Variants in LTBP1 observed in about 807,000 individuals in gnomAD.
LTBP1 encodes the protein latent transforming growth factor beta binding protein 1.
LTBP1 carries 129 observed loss-of-function variants against 207.6 expected under a neutral mutation model. The ratio of observed to expected loss-of-function variants is 0.62; its 90% confidence interval spans 0.54 to 0.72. The LOEUF is 0.72. Ranked by LOEUF, LTBP1 falls within the 30% of genes least tolerant of loss-of-function variation. The pLI is 0.00. For missense variants in LTBP1, 2,281 were observed against 2,217.2 expected (o/e 1.03, Z -0.58); for synonymous variants, 963 against 833.7 (o/e 1.16, Z -2.67).
At chr2:33,238,603 C>CA (rs920140780) in intron 9 of LTBP1, among the ~76,000 whole-genome samples, 1 of 152,202 alleles carries the variant, frequency 6.6e-6, no homozygotes, top group Non-Finnish European at 1.5e-5. Flanking sequence ...AAGAGAAACT[C>CA]AGAGACTTGC....
At chr2:33,018,691 A>G (rs545672354) in intron 2 of LTBP1, among the ~76,000 whole-genome samples, 6 of 152,218 alleles carry the variant, frequency 3.9e-5, no homozygotes, top group Non-Finnish European at 8.8e-5. Context: ...TTCTAGAAAC[A>G]CAGAGCTTTT....
chr2:33,037,707 G>C (rs1380820046), intron 3 of LTBP1, among the ~76,000 whole-genome samples: 1 of 152,110 alleles, frequency 6.6e-6, no homozygotes, highest in African/African-American at 2.4e-5. Context: ...AATTCCTGAA[G>C]ATATAGTTTT....
intron 2 of LTBP1, among the ~76,000 whole-genome samples, chr2:33,019,878 T>C (rs963982447): frequency 1.3e-5 from 2 of 150,234 alleles, no homozygotes; most frequent in Non-Finnish European, 3.0e-5. Context: ...AATTAAATTT[T>C]TTTTTTTTTT....
chr2:33,365,403 C>A lies in LTBP1; in HGVS notation c.4611C>A (p.Ser1537Arg), dbSNP rs745337069. The part of the protein sequence containing the change: ...WEHLSDEYVC[S>R]RPLVGKQTTY... ...ATCTGAGTGATGAATACGTGTGTAG[C>A]CGGCCTCTTGTGGGCAAGCAGACAA... The change falls in exon 31 of 34, where the codon AGC becomes AGA. Residue 1537 changes from serine (S) to arginine (R), a missense_variant. Around this residue, in one of 3 missense-constraint regions of LTBP1, gnomAD observed 1,671 missense variants for 1,634.8 expected, o/e 1.02. Coordinates refer to ENST00000404816, the MANE Select transcript of LTBP1 (RefSeq NM_206943.4). The A allele has an allele frequency of 3.7e-6, 6 of 1,614,180 alleles. No homozygotes were observed. In the African/African-American group the frequency reaches 5.3e-5, roughly 14 times the overall value.
chr2:32,980,345 A>G (rs1682577549), intron 2 of LTBP1, among the ~76,000 whole-genome samples: 1 of 152,126 alleles, frequency 6.6e-6, no homozygotes, highest in African/African-American at 2.4e-5. Context: ...TGAGGTAACT[A>G]TGAGGCTTGC....
intron 31 of LTBP1, among the ~76,000 whole-genome samples, chr2:33,388,824 TTGA>T (rs1042539380): frequency 2.0e-5 from 3 of 152,176 alleles, no homozygotes; most frequent in Non-Finnish European, 2.9e-5. Context: ...AAAAATGTTT[TTGA>T]TGATAACTCT....
intron 15 of LTBP1, among the ~76,000 whole-genome samples, chr2:33,267,439 T>C (rs76014413): frequency 6.6e-6 from 1 of 152,064 alleles, no homozygotes; most frequent in Non-Finnish European, 1.5e-5. Context: ...ATGATGGTGA[T>C]TTTTTTTAAT....
At chr2:33,183,510 T>C (rs1300386157) in intron 5 of LTBP1, among the ~76,000 whole-genome samples, 1 of 152,244 alleles carries the variant, frequency 6.6e-6, no homozygotes, top group African/African-American at 2.4e-5. Context: ...AAGTTTGTAT[T>C]TGATGCAGTT....
chr2:33,360,302 GAT>G (rs1474323386), intron 26 of LTBP1, among the ~76,000 whole-genome samples: 1 of 152,168 alleles, frequency 6.6e-6, no homozygotes, highest in Non-Finnish European at 1.5e-5. Flanking sequence ...AAGAAAAGGA[GAT>G]ATGGAAACTC....
intron 2 of LTBP1, among the ~76,000 whole-genome samples, chr2:32,967,158 T>G (rs1382122337): frequency 6.6e-6 from 1 of 152,176 alleles, no homozygotes. Flanking sequence ...ATAGGATCTA[T>G]AATGATGTTC....
At chr2:33,264,432 CAT>C (rs1382303112) in intron 15 of LTBP1, among the ~76,000 whole-genome samples, 3 of 151,980 alleles carry the variant, frequency 2.0e-5, no homozygotes, top group African/African-American at 7.2e-5. Flanking sequence ...GTATAATAAA[CAT>C]ATTATTTTAA....
intron 5 of LTBP1, among the ~76,000 whole-genome samples, chr2:33,170,072 G>C (rs1349629272): frequency 1.3e-5 from 2 of 152,240 alleles, no homozygotes; most frequent in Non-Finnish European, 2.9e-5. Flanking sequence ...CCCAGCGTGA[G>C]TGATGCAGAA....
intron 3 of LTBP1, among the ~76,000 whole-genome samples, chr2:33,089,212 CAA>C: frequency 6.7e-6 from 1 of 148,566 alleles, no homozygotes; most frequent in East Asian, 2.0e-4. Flanking sequence ...AAATGTATGA[CAA>C]AGTGGGAAAA....
chr2:33,395,112 T>C (rs1331361884), intron 32 of LTBP1, among the ~76,000 whole-genome samples: 2 of 152,208 alleles, frequency 1.3e-5, no homozygotes, highest in Non-Finnish European at 2.9e-5. Flanking sequence ...TAGAAAAGTG[T>C]TCATTCATTA....
chr2:33,177,649 C>G (rs7595240), intron 5 of LTBP1, among the ~76,000 whole-genome samples: 5 of 152,028 alleles, frequency 3.3e-5, no homozygotes, highest in Admixed American at 3.3e-4. Context: ...GCCTGGGTGA[C>G]AGAGTGAGAC....
intron 19 of LTBP1, chr2:33,291,536 C>T (rs2093774774): frequency 6.6e-6 from 1 of 152,182 alleles, no homozygotes; most frequent in Non-Finnish European, 1.5e-5. Context: ...TGTTTGCCTT[C>T]AGTGTTTACA....
intron 19 of LTBP1, chr2:33,291,589 A>G (rs1213567762): frequency 6.6e-6 from 1 of 152,214 alleles, no homozygotes; most frequent in Non-Finnish European, 1.5e-5. Flanking sequence ...TTAATGAGTC[A>G]GTCTGGAAGT....
chr2:33,281,374 A>C (rs1013816038), intron 19 of LTBP1, among the ~76,000 whole-genome samples: 3 of 152,208 alleles, frequency 2.0e-5, no homozygotes, highest in African/African-American at 7.2e-5. Context: ...AGGCACAGTA[A>C]ACAGCATATG....
At chr2:33,393,861 C>T (rs1027134404) in intron 32 of LTBP1, among the ~76,000 whole-genome samples, 2 of 152,152 alleles carry the variant, frequency 1.3e-5, no homozygotes, top group Admixed American at 6.6e-5. Context: ...CTTGAGGAAT[C>T]GCCACACTGT....
Sources: allele counts gnomAD v4.1 joint callset (sites outside exome capture counted in the v4.1 genomes callset), GRCh38; gene constraint gnomAD v4.1.1; regional missense constraint gnomAD v4.1.1; transcripts MANE v1.5; gene names NCBI Gene and HGNC (gene_info 2026-07-23, HGNC 2026-07-21).